The following PCNX2 variants were observed in gnomAD, a reference collection of about 807,000 sequenced individuals.
PCNX2 encodes pecanex 2.
PCNX2 carries 168 observed loss-of-function variants against 223.8 expected under a neutral mutation model. The observed-to-expected ratio is 0.75, with a 90% CI of 0.66 to 0.85. The LOEUF (loss-of-function observed/expected upper bound fraction) is 0.85, where lower values mean the gene tolerates loss of function less well. Among genes scored for constraint, PCNX2 ranks in the 40% least tolerant of loss-of-function variants. PCNX2 has a pLI of 0.00. For missense variants in PCNX2, 2,507 were observed against 2,675.5 expected (o/e 0.94, Z 1.39); for synonymous variants, 1,006 against 1,052.6 (o/e 0.96, Z 0.86).
chr1:232,998,618 A>G (rs1669961041), intron 31 of PCNX2, among the ~76,000 whole-genome samples, 180 bp from the exon 32 acceptor site: 1 of 152,176 alleles, frequency 6.6e-6, no homozygotes, highest in Non-Finnish European at 1.5e-5. Context: ...TAATAAATGA[A>G]CAGACTGCAC....
rs747470918 is a variant in PCNX2, at chr1:233,258,150, G to A, written c.1712C>T (p.Pro571Leu). Residue 571 changes from proline (P) to leucine (L), a missense_variant, in exon 5 of 34, where the codon CCA (proline) becomes CTA (leucine). This residue lies in a region of PCNX2 where 1,031 missense variants were observed against 1,021.7 expected (regional missense o/e 1.01). Coordinates refer to ENST00000258229, the MANE Select transcript of PCNX2 (RefSeq NM_014801.4). ...AAATTCCAGGAAGTTGGACTCATTT[G>A]GCATTTGTCCTTCCTTAGCCTCTAG... ...SDLEAKEGQMPNESNFLEFVS... is the reference protein window; with the variant it reads ...SDLEAKEGQMLNESNFLEFVS... 2.5e-6 allele frequency: 4 copies of A among 1,613,920 alleles called. No individual in the cohort carries two copies. Among genetic ancestry groups the A allele is most frequent in the Non-Finnish European group, 3.4e-6 (4 of 1,179,856 alleles).
chr1:233,116,732 C>T (rs905324569), intron 21 of PCNX2, among the ~76,000 whole-genome samples: 9 of 151,944 alleles, frequency 5.9e-5, no homozygotes, highest in Non-Finnish European at 8.8e-5. Context: ...AACATCCCAC[C>T]TCAAGAGCCC....
intron 1 of PCNX2, among the ~76,000 whole-genome samples, chr1:233,267,300 G>A (rs142170353): frequency 0.01 from 1,552 of 152,116 alleles, 14 homozygotes; most frequent in South Asian, 0.028. Flanking sequence ...TAGCCTGGGC[G>A]ACAAGAGCGA....
intron 8 of PCNX2, among the ~76,000 whole-genome samples, chr1:233,244,720 A>G (rs1658999407): frequency 6.6e-6 from 1 of 152,188 alleles, no homozygotes; most frequent in Non-Finnish European, 1.5e-5. Context: ...CAAAAAAATT[A>G]AAAATAAAAA....
intron 17 of PCNX2, chr1:233,172,478 T>G (rs566395906): frequency 1.0e-6 from 1 of 985,434 alleles, no homozygotes; most frequent in African/African-American, 1.7e-5. Context: ...GAGGTGAGTC[T>G]GCTTGCACTT....
intron 28 of PCNX2, among the ~76,000 whole-genome samples, chr1:233,011,051 C>T (rs1194306094): frequency 6.6e-6 from 1 of 152,156 alleles, no homozygotes; most frequent in Non-Finnish European, 1.5e-5. Flanking sequence ...CTACAGTACA[C>T]CTAAGGACAT....
At position 233,179,061 on chromosome 1, in the gene PCNX2, C is replaced by T; in HGVS notation, c.3176+5G>A. 1 of 1,613,032 alleles carries T rather than the reference C, an allele frequency of 6.2e-7. No homozygotes were observed. Among genetic ancestry groups the T allele is most frequent in the South Asian group, 1.1e-5 (1 of 91,050 alleles). On this transcript the variant is annotated splice_donor_5th_base_variant and intron_variant, in intron 16 of 33. Transcript: ENST00000258229. The stretch of plus-strand genomic sequence containing the variant: ...GATGAGAGAGCACAGGCATAGACCA[C>T]TCACATGAGTACAGATGGGTCACTG...
chr1:233,043,259 C>T (rs1227884288), intron 25 of PCNX2, among the ~76,000 whole-genome samples: 1 of 152,186 alleles, frequency 6.6e-6, no homozygotes, highest in Non-Finnish European at 1.5e-5. Flanking sequence ...TCAACCCTCA[C>T]TTTCCCATCT....
chr1:233,222,568 T>C (rs1337145233), intron 10 of PCNX2, among the ~76,000 whole-genome samples: 1 of 151,702 alleles, frequency 6.6e-6, no homozygotes, highest in African/African-American at 2.4e-5. Context: ...ACAAAGAGAA[T>C]GAATGGATAG....
At chr1:233,264,297 C>G (rs1002538498) in intron 1 of PCNX2, among the ~76,000 whole-genome samples, 1 of 152,184 alleles carries the variant, frequency 6.6e-6, no homozygotes, top group African/African-American at 2.4e-5. Flanking sequence ...AGGACAGCCT[C>G]AATGATTCGC....
chr1:232,999,666 C>G, intron 30 of PCNX2: 1 of 327,678 alleles, frequency 3.1e-6, no homozygotes, highest in South Asian at 3.3e-5. Context: ...GTTGGTCAGG[C>G]TGGTCTCGAA....
At chr1:233,037,295 G>A (rs1010972735) in intron 25 of PCNX2, among the ~76,000 whole-genome samples, 2 of 152,052 alleles carry the variant, frequency 1.3e-5, no homozygotes, top group Non-Finnish European at 2.9e-5. Flanking sequence ...CCAGTTTCCA[G>A]TCCTTCAGCA....
intron 17 of PCNX2, among the ~76,000 whole-genome samples, chr1:233,174,206 A>G (rs1572019308): frequency 6.9e-6 from 1 of 145,086 alleles, no homozygotes; most frequent in East Asian, 2.0e-4. Flanking sequence ...TATATTATAT[A>G]TTATATAAAA....
At chr1:233,086,325 C>G (rs949606387) in intron 23 of PCNX2, among the ~76,000 whole-genome samples, 7 of 152,136 alleles carry the variant, frequency 4.6e-5, no homozygotes, top group African/African-American at 7.2e-5. Flanking sequence ...TCACAGGTGG[C>G]TATTTAAATT....
At chr1:233,124,838 T>C (rs1676009628) in intron 21 of PCNX2, among the ~76,000 whole-genome samples, 2 of 152,246 alleles carry the variant, frequency 1.3e-5, no homozygotes, top group Non-Finnish European at 2.9e-5. Flanking sequence ...AAATACATCA[T>C]ATTTAACACC....
chr1:233,268,594 G>T (rs1558410042), intron 1 of PCNX2, among the ~76,000 whole-genome samples: 1 of 152,176 alleles, frequency 6.6e-6, no homozygotes, highest in Non-Finnish European at 1.5e-5. Context: ...CAGCGTTGAT[G>T]AGCTCACAGA....
intron 1 of PCNX2, among the ~76,000 whole-genome samples, chr1:233,269,344 G>A (rs1363006060): frequency 6.6e-6 from 1 of 152,192 alleles, no homozygotes; most frequent in African/African-American, 2.4e-5. Context: ...GAAACTAGAA[G>A]GGAAAATGAG....
intron 4 of PCNX2, chr1:233,259,816 A>G (rs1659954865): frequency 1.1e-6 from 1 of 885,122 alleles, no homozygotes; most frequent in Admixed American, 6.2e-5. Context: ...GGCTGCATTG[A>G]TACTTATTTT....
Position 233,027,560 on chromosome 1 carries a change from A to C in PCNX2, c.4352-2161T>G, listed in dbSNP as rs533374900. Among the ~76,000 whole-genome samples the C allele has an allele frequency of 2.6e-5, 4 of 152,262 alleles. No homozygotes were observed. The South Asian group carries it at 6.2e-4, about 24-fold the overall frequency. Reference sequence around the variant, plus strand: ...GAGAAACCATAGACATCCAACTCTTATCTCTAAAATTTTCTTCCTTTTACT... The same window carrying C: ...GAGAAACCATAGACATCCAACTCTTCTCTCTAAAATTTTCTTCCTTTTACT... On this transcript the variant is annotated intron_variant, in intron 25 of 33. Coordinates refer to ENST00000258229, the MANE Select transcript of PCNX2 (RefSeq NM_014801.4).
Sources: allele counts gnomAD v4.1 joint callset (sites outside exome capture counted in the v4.1 genomes callset), GRCh38; gene constraint gnomAD v4.1.1; regional missense constraint gnomAD v4.1.1; transcripts MANE v1.5; gene names NCBI Gene and HGNC (gene_info 2026-07-23, HGNC 2026-07-21).